Variants in IAH1 observed in about 807,000 individuals in gnomAD.
IAH1 encodes the protein isoamyl acetate hydrolyzing esterase 1 (putative).
In IAH1, 24 loss-of-function variants were observed where a neutral mutation model predicts 26.7. The ratio of observed to expected loss-of-function variants is 0.90; its 90% CI spans 0.65 to 1.26. The LOEUF (loss-of-function observed/expected upper bound fraction) is 1.26. Among genes scored for constraint, IAH1 ranks in the 50% most tolerant of loss-of-function variants. The probability of loss-of-function intolerance (pLI) is 0.00; values close to 1 mark genes in which losing one functional copy is unlikely to be tolerated. For missense variants in IAH1, 300 were observed against 299.9 expected, an observed-to-expected ratio of 1.00 and a Z score of 0.00; for synonymous variants, 140 against 118.5, an observed-to-expected ratio of 1.18 and a Z score of -1.18.
At chr2:9,501,604 C>T in the IAH1 span, among the ~76,000 whole-genome samples, 1 of 152,134 alleles carries the variant, frequency 6.6e-6, no homozygotes, top group Non-Finnish European at 1.5e-5. Flanking sequence ...CAGTGAAATA[C>T]ATATAGATAC....
chr2:9,498,981 T>C (rs1356984876), downstream of IAH1, among the ~76,000 whole-genome samples: 1 of 152,216 alleles, frequency 6.6e-6, no homozygotes, highest in Non-Finnish European at 1.5e-5. Flanking sequence ...CACAGACTGC[T>C]GGCCTCCCTT....
downstream of IAH1, chr2:9,492,981 A>T: frequency 6.2e-7 from 1 of 1,610,006 alleles, no homozygotes; most frequent in Non-Finnish European, 8.5e-7. Flanking sequence ...TCTGCTAAAA[A>T]CTTTCCTGTG....
chr2:9,486,984 T>A (rs1661534090), intron 5 of IAH1, among the ~76,000 whole-genome samples: 1 of 152,078 alleles, frequency 6.6e-6, no homozygotes, highest in Non-Finnish European at 1.5e-5. Flanking sequence ...GTGATCCCAA[T>A]ACTTTGTGAG....
the IAH1 span, chr2:9,505,025 G>T: frequency 1.1e-6 from 1 of 941,638 alleles, no homozygotes; most frequent in Non-Finnish European, 1.6e-6. Flanking sequence ...TTCTTGCTGT[G>T]AAGGGCAAAA....
chr2:9,507,533 A>C, the IAH1 span, among the ~76,000 whole-genome samples: 2 of 152,162 alleles, frequency 1.3e-5, no homozygotes, highest in Non-Finnish European at 2.9e-5. Flanking sequence ...TAAATAAATA[A>C]AACATAGAAG....
chr2:9,495,140 T>A (rs1161825683), intron 6 of IAH1, among the ~76,000 whole-genome samples: 1 of 152,226 alleles, frequency 6.6e-6, no homozygotes, highest in African/African-American at 2.4e-5. Context: ...CAGTCTAAAG[T>A]GTGCCCCTCA....
intron 1 of IAH1, chr2:9,475,271 C>T: frequency 1.7e-6 from 2 of 1,159,066 alleles, no homozygotes; most frequent in South Asian, 1.3e-5. Flanking sequence ...GTCCTCTTCT[C>T]AGACAGGACT....
chr2:9,475,911 T>C, intron 1 of IAH1, 76 bp from the exon 2 acceptor site: 1 of 1,289,576 alleles, frequency 7.8e-7, no homozygotes, highest in East Asian at 2.4e-5. Flanking sequence ...AAAACAGAAG[T>C]TGCCAATCAG....
chr2:9,509,553 T>G, the IAH1 span, among the ~76,000 whole-genome samples: 1 of 152,214 alleles, frequency 6.6e-6, no homozygotes, highest in Non-Finnish European at 1.5e-5. Context: ...CCATGAGGCT[T>G]GTAGTCAGGC....
chr2:9,483,785 C>G (rs576155132), intron 4 of IAH1, among the ~76,000 whole-genome samples: 1 of 152,304 alleles, frequency 6.6e-6, no homozygotes, highest in East Asian at 1.9e-4. Context: ...TACACTCAAT[C>G]GTTCTGTGCT....
chr2:9,488,955 AATG>A lies in IAH1; in HGVS notation c.*629_*631del, dbSNP rs1388551717. 3.3e-5 allele frequency: 5 copies of A among 152,242 alleles called. No individual in the cohort carries two copies. The highest frequency in any genetic ancestry group is 1.3e-4 in the Admixed American group (2 of 15,286). The allele number at this position is 152,242 out of a possible 1,614,324, so 9.4% of individuals were successfully genotyped here. A position where few individuals can be genotyped will look rare whatever the true frequency, so the allele number is the denominator to read the frequency against. On this transcript the variant is annotated 3_prime_UTR_variant, in exon 6 of 6. Transcript: ENST00000497473. ...ATTTATAGAAATCAGAATCCAGGCT[AATG>A]ATTTTTATCCTTCACACAGTAAATG...
intron 4 of IAH1, among the ~76,000 whole-genome samples, chr2:9,482,032 C>CTT (rs58813442): frequency 0.15 from 20,542 of 134,522 alleles, 2,905 homozygotes; most frequent in African/African-American, 0.36. Context: ...TGGAAGTTCT[C>CTT]TTTTTTTTTT....
At chr2:9,482,198 T>A (rs1271403221) in intron 4 of IAH1, among the ~76,000 whole-genome samples, 1 of 152,116 alleles carries the variant, frequency 6.6e-6, no homozygotes, top group East Asian at 1.9e-4. Context: ...CCGGCTAATT[T>A]TTGCATTTTT....
At chr2:9,490,759 AACTT>A (rs1351975013), downstream of IAH1, among the ~76,000 whole-genome samples, 2 of 152,260 alleles carry the variant, frequency 1.3e-5, no homozygotes, top group African/African-American at 2.4e-5. Flanking sequence ...GCATCCTGAA[AACTT>A]ACTTACCATT....
intron 1 of IAH1, chr2:9,475,054 C>T: frequency 8.5e-7 from 1 of 1,173,328 alleles, no homozygotes; most frequent in Non-Finnish European, 1.1e-6. Context: ...CAGCTCCGGG[C>T]AGAGGCGCCA....
chr2:9,511,322 C>T, the IAH1 span, among the ~76,000 whole-genome samples: 6 of 152,150 alleles, frequency 3.9e-5, no homozygotes, highest in Admixed American at 6.5e-5. Context: ...TGGTGGCGCA[C>T]GCCTGTAATC....
rs1661886637 is a variant in IAH1 at position 9,489,310 on chromosome 2, G to T, written c.*981G>T. The stretch of plus-strand genomic sequence containing the variant: ...AGGCAGAGTCTCACTCTGTCACCCA[G>T]GCTGGAGTGTAGTGGCGCAACCTCA... On this transcript the variant is annotated 3_prime_UTR_variant, in exon 6 of 6. Coordinates refer to ENST00000497473, the MANE Select transcript of IAH1 (RefSeq NM_001039613.3). 7.3e-6 allele frequency: 1 copy of T among 137,464 alleles called. No individual in the cohort carries two copies. The highest frequency in any genetic ancestry group is 1.5e-5 in the Non-Finnish European group (1 of 66,688). 8.5% of individuals were successfully genotyped at this position (137,464 alleles called of 1,614,324 possible). A position where few individuals can be genotyped will look rare whatever the true frequency, so the allele number is the denominator to read the frequency against.
Position 9,478,813 on chromosome 2 carries a change from G to A in IAH1, c.283+443G>A, listed in dbSNP as rs576038349. The stretch of plus-strand genomic sequence containing the variant: ...CAATGGTGAACGTGGGTTTGGAAAA[G>A]GAGATGGTCTCTCCTTGACTGCTGA... On this transcript the variant is annotated intron_variant, in intron 3 of 5. Coordinates refer to ENST00000497473, the MANE Select transcript of IAH1 (RefSeq NM_001039613.3). 5.9e-5 allele frequency among the ~76,000 whole-genome samples: 9 copies of A among 152,320 alleles called. No homozygotes were observed. In the South Asian group the frequency reaches 1.7e-3, roughly 28 times the overall value.
intron 1 of IAH1, chr2:9,475,324 T>G (rs760296558): frequency 5.5e-4 from 377 of 680,614 alleles, no homozygotes; most frequent in Non-Finnish European, 8.1e-4. Flanking sequence ...ACTGGTAACA[T>G]TATGTTTAGG....
Sources: gnomAD v4.1 joint callset for allele counts (sites outside exome capture counted in the v4.1 genomes callset) on GRCh38, gnomAD v4.1.1 for gene constraint, MANE v1.5 for transcripts, NCBI Gene and HGNC (gene_info 2026-07-23, HGNC 2026-07-21) for gene names.